The following STAB2 variants were observed in gnomAD, a reference collection of about 807,000 sequenced individuals.
The protein encoded by STAB2 is stabilin-2.
Under a neutral mutation model 338.1 loss-of-function variants are expected in STAB2, and 288 were observed. That is an observed-to-expected ratio of 0.85 (90% CI 0.77 to 0.94). The LOEUF is 0.94. Ranked by LOEUF, STAB2 falls within the 40% of genes least tolerant of loss-of-function variation. STAB2 has a pLI of 0.00. For synonymous variants in STAB2, 1,202 were observed against 1,193.3 expected (o/e 1.01, Z -0.15); for missense variants, 3,141 against 3,210.1 (o/e 0.98, Z 0.52).
intron 30 of STAB2, among the ~76,000 whole-genome samples, chr12:103,692,542 G>A (rs1878024899): frequency 6.6e-6 from 1 of 152,190 alleles, no homozygotes; most frequent in Non-Finnish European, 1.5e-5. Context: ...ATAGGGGAAA[G>A]TATTATTTCT....
chr12:103,631,572 A>AT (rs770415183), intron 5 of STAB2, 26 bp from the exon 6 acceptor site: 2 of 1,608,188 alleles, frequency 1.2e-6, no homozygotes, highest in Admixed American at 3.3e-5. Context: ...GTCAGGTAAT[A>AT]AAAATCCCCC....
intron 49 of STAB2, 75 bp from the exon 50 acceptor site, chr12:103,731,501 T>TC: frequency 1.3e-6 from 2 of 1,519,424 alleles, no homozygotes; most frequent in Non-Finnish European, 9.0e-7. Flanking sequence ...TTACTTTTTT[T>TC]CACTTGAGCT....
At position 103,758,353 on chromosome 12, in the gene STAB2, G is replaced by A. The variant is rs58956630; in HGVS notation, c.7107+64G>A. 7.3e-3 allele frequency: 11,698 copies of A among 1,596,908 alleles called. 761 individuals carry two copies. In the African/African-American group the frequency reaches 0.14, roughly 19 times the overall value. ...TGTTATCTATCACCACAACAATGCTGTGTCACAAATTACCTGAAAACTCAG... is the reference window on the plus strand; with the variant it reads ...TGTTATCTATCACCACAACAATGCTATGTCACAAATTACCTGAAAACTCAG... On this transcript the variant is annotated intron_variant, in intron 64 of 68. Transcript: ENST00000388887.
intron 1 of STAB2, among the ~76,000 whole-genome samples, 167 bp downstream of exon 1, chr12:103,587,724 A>C (rs1468229503): frequency 6.6e-6 from 1 of 152,230 alleles, no homozygotes; most frequent in Non-Finnish European, 1.5e-5. Flanking sequence ...ATCTTTCCGA[A>C]GGTGTGCTAA....
At chr12:103,682,725 G>A (rs1474802095) in intron 25 of STAB2, among the ~76,000 whole-genome samples, 2 of 152,052 alleles carry the variant, frequency 1.3e-5, no homozygotes, top group Non-Finnish European at 2.9e-5. Context: ...CGAGGCAGGC[G>A]TATCACAAGG....
At chr12:103,605,985 G>A (rs1957022349) in intron 3 of STAB2, among the ~76,000 whole-genome samples, 1 of 151,970 alleles carries the variant, frequency 6.6e-6, no homozygotes, top group Non-Finnish European at 1.5e-5. Flanking sequence ...TATATTTAAT[G>A]CGTTAGGTTT....
At chr12:103,683,867 T>C (rs1037890889) in intron 26 of STAB2, among the ~76,000 whole-genome samples, 1 of 152,174 alleles carries the variant, frequency 6.6e-6, no homozygotes, top group Non-Finnish European at 1.5e-5. Flanking sequence ...GCACCAAACA[T>C]AGGAATCAAT....
intron 3 of STAB2, among the ~76,000 whole-genome samples, chr12:103,601,000 A>C (rs1053412705): frequency 2.4e-4 from 36 of 152,258 alleles, no homozygotes; most frequent in African/African-American, 8.7e-4. Context: ...CAATTAAATG[A>C]ATGTAAAATC....
At chr12:103,612,237 G>T (rs2138602233) in intron 3 of STAB2, among the ~76,000 whole-genome samples, 1 of 152,308 alleles carries the variant, frequency 6.6e-6, no homozygotes, top group South Asian at 2.1e-4. Context: ...GGCCTGCCTT[G>T]CTAGATTAGG....
chr12:103,603,195 C>T (rs1365471360), intron 3 of STAB2, among the ~76,000 whole-genome samples: 1 of 152,086 alleles, frequency 6.6e-6, no homozygotes, highest in Admixed American at 6.6e-5. Flanking sequence ...CTCAGCCTCC[C>T]GAGTAGCTGG....
In STAB2 at chr12:103,705,645, G is replaced by A. The variant is rs1879280553; in HGVS notation, c.3914G>A (p.Arg1305Lys). Residue 1305 changes from arginine (R) to lysine (K), a missense_variant, in exon 37 of 69, where the codon AGG becomes AAG. Physicochemically the swap from Arg to Lys is conservative, Grantham distance 26. Coordinates refer to ENST00000388887, the MANE Select transcript of STAB2 (RefSeq NM_017564.10). ...AATATTTCACAGGGTAATGAGAAGA[G>A]GAGATGCATCTATACCTCCTATTTC... ...FGTKSLGNEKRRCIYTSYFMG... is the reference protein window; with the variant it reads ...FGTKSLGNEKKRCIYTSYFMG... The A allele has an allele frequency of 1.9e-6, 3 of 1,614,058 alleles. No homozygotes were observed. In the African/African-American group the frequency reaches 4.0e-5, roughly 22 times the overall value.
At chr12:103,638,297 T>A (rs1214741673) in intron 8 of STAB2, 85 bp downstream of exon 8, 2 of 1,389,148 alleles carry the variant, frequency 1.4e-6, no homozygotes, top group Admixed American at 2.2e-5. Flanking sequence ...TTCTATGCCA[T>A]CCCAATTCTC....
chr12:103,635,442 G>A (rs1240264948), intron 6 of STAB2, among the ~76,000 whole-genome samples: 2 of 152,172 alleles, frequency 1.3e-5, no homozygotes, highest in African/African-American at 4.8e-5. Context: ...CTGTTTCTTA[G>A]CCCCACATGG....
Position 103,685,449 on chromosome 12 carries a change from TGTGTGCGCGTGCGTGTGTGTGTGC to T in STAB2, c.2997+369_2997+392del, listed in dbSNP as rs1472690647. On this transcript the variant is annotated intron_variant, in intron 27 of 68. Coordinates refer to ENST00000388887, the MANE Select transcript of STAB2 (RefSeq NM_017564.10). ...GTGTGTGTGTGTGTGTGTGTGTGTG[TGTGTGCGCGTGCGTGTGTGTGTGC>T]GTGCGCGCATGTGTGTGTGTGTGTA... 1.4e-3 allele frequency among the ~76,000 whole-genome samples: 199 copies of T among 138,172 alleles called. 4 individuals carry two copies. In the East Asian group the frequency reaches 0.033, roughly 23 times the overall value. 90.6% of individuals were successfully genotyped at this position (138,172 alleles called of 152,430 possible). A position where few individuals can be genotyped will look rare whatever the true frequency, so the allele number is the denominator to read the frequency against.
At chr12:103,712,037 A>G (rs1879909841) in intron 40 of STAB2, among the ~76,000 whole-genome samples, 3 of 152,216 alleles carry the variant, frequency 2.0e-5, no homozygotes, top group Admixed American at 2.0e-4. Context: ...TGCCAGGGCT[A>G]TTGGATAGTG....
At chr12:103,596,658 T>A (rs759603583) in intron 3 of STAB2, among the ~76,000 whole-genome samples, 5 of 152,132 alleles carry the variant, frequency 3.3e-5, no homozygotes, top group Non-Finnish European at 7.4e-5. Context: ...AAAATGACAC[T>A]CCTCTGAACC....
chr12:103,627,912 T>C (rs1291448571), intron 5 of STAB2, among the ~76,000 whole-genome samples: 2 of 152,208 alleles, frequency 1.3e-5, no homozygotes, highest in African/African-American at 2.4e-5. Flanking sequence ...TCCTGGACTT[T>C]AGATATTATC....
intron 33 of STAB2, among the ~76,000 whole-genome samples, chr12:103,696,643 A>G (rs1256110324): frequency 6.6e-6 from 1 of 152,182 alleles, no homozygotes; most frequent in Non-Finnish European, 1.5e-5. Context: ...TTACCCCTAG[A>G]TGTTAGGAAT....
intron 63 of STAB2, chr12:103,757,896 G>T (rs1884253637): frequency 2.2e-6 from 1 of 451,140 alleles, no homozygotes; most frequent in Non-Finnish European, 4.1e-6. Flanking sequence ...GAGAAGACTC[G>T]AGATTTGATG....
Sources: gnomAD v4.1 joint callset for allele counts (sites outside exome capture counted in the v4.1 genomes callset) on GRCh38, gnomAD v4.1.1 for gene constraint, MANE v1.5 for transcripts, NCBI Gene and HGNC (gene_info 2026-07-23, HGNC 2026-07-21) for gene names.